DNAJC8: variants seen among roughly 807,000 people sequenced by gnomAD.
DNAJC8 encodes the protein dnaJ homolog subfamily C member 8.
Under a neutral mutation model 43.2 loss-of-function variants are expected in DNAJC8, and 24 were observed. The ratio of observed to expected loss-of-function variants is 0.56; its 90% confidence interval spans 0.40 to 0.78. The LOEUF is 0.78. Ranked by LOEUF, DNAJC8 falls within the 30% of genes least tolerant of loss-of-function variation. The pLI, the probability that DNAJC8 is intolerant of heterozygous loss-of-function variation, is 0.00. For missense variants in DNAJC8, 207 were observed against 299.4 expected (o/e 0.69, Z 2.28); for synonymous variants, 83 against 98.0 (o/e 0.85, Z 0.90).
chr1:28,202,517 G>A (rs1010030762), intron 8 of DNAJC8, among the ~76,000 whole-genome samples: 1 of 150,700 alleles, frequency 6.6e-6, no homozygotes, highest in African/African-American at 2.4e-5. Flanking sequence ...CTGACCTCAT[G>A]ATCCGCCTGC....
intron 2 of DNAJC8, 68 bp downstream of exon 2, chr1:28,228,854 T>C: frequency 7.8e-7 from 1 of 1,274,614 alleles, no homozygotes; most frequent in Non-Finnish European, 1.1e-6. Flanking sequence ...TGTATTCTGA[T>C]GTAGGTATGC....
chr1:28,230,559 T>A (rs1403403256), intron 1 of DNAJC8, among the ~76,000 whole-genome samples: 3 of 152,192 alleles, frequency 2.0e-5, no homozygotes, highest in Admixed American at 6.5e-5. Context: ...CTCTATTTTT[T>A]AAAAAAATGA....
At chr1:28,226,883 T>C (rs1354530240) in intron 2 of DNAJC8, among the ~76,000 whole-genome samples, 2 of 151,222 alleles carry the variant, frequency 1.3e-5, no homozygotes, top group Non-Finnish European at 3.0e-5. Flanking sequence ...TAATTTATAA[T>C]AAAATTGCTT....
rs199980896 is a variant in DNAJC8, at chr1:28,225,705, AT to A, written c.180+3216del. Among the ~76,000 whole-genome samples, 222 of 137,440 alleles carry A rather than the reference AT, an allele frequency of 1.6e-3. 1 individual carries two copies. The highest frequency in any genetic ancestry group is 3.8e-3 in the Middle Eastern group (1 of 264). The allele number at this position is 137,440 out of a possible 152,430, so 90.2% of individuals were successfully genotyped here. On this transcript the variant is annotated intron_variant, in intron 2 of 8. Transcript: ENST00000263697. ...AAACTAAAAAAAAATTTAAATGGTA[AT>A]TTTTTTTTTTTTTTTTGAGACAGTC...
Position 28,233,009 on chromosome 1 carries a change from C to T in DNAJC8, c.-11G>A. ...TCCTGAAGCCGCCATTTCCCCGGCC[C>T]AGCCACCACGTGACCCTTCTGCGCA... On this transcript the variant is annotated 5_prime_UTR_variant, in exon 1 of 9. Coordinates refer to ENST00000263697, the MANE Select transcript of DNAJC8 (RefSeq NM_014280.3). 6.2e-7 allele frequency: 1 copy of T among 1,611,062 alleles called. No homozygotes were observed. Among genetic ancestry groups the T allele is most frequent in the Non-Finnish European group, 8.5e-7 (1 of 1,179,984 alleles).
At chr1:28,213,844 T>C (rs965578055) in intron 3 of DNAJC8, among the ~76,000 whole-genome samples, 8 of 152,008 alleles carry the variant, frequency 5.3e-5, no homozygotes, top group African/African-American at 1.9e-4. Context: ...GGCGAAACTC[T>C]GTCTCTACAA....
chr1:28,218,880 T>C (rs1646879950), intron 2 of DNAJC8, among the ~76,000 whole-genome samples: 1 of 152,122 alleles, frequency 6.6e-6, no homozygotes. Context: ...CACATAAGAT[T>C]TACAGACGAG....
intron 8 of DNAJC8, among the ~76,000 whole-genome samples, 176 bp downstream of exon 8, chr1:28,203,571 G>A (rs1326276556): frequency 6.6e-6 from 1 of 152,096 alleles, no homozygotes; most frequent in Non-Finnish European, 1.5e-5. Flanking sequence ...CATCGTCCTT[G>A]CCAAGGCTAC....
chr1:28,231,228 C>T (rs1343544845), intron 1 of DNAJC8, among the ~76,000 whole-genome samples: 1 of 152,044 alleles, frequency 6.6e-6, no homozygotes, highest in Admixed American at 6.6e-5. Context: ...CAAAAATCAG[C>T]CAGGCATGGT....
chr1:28,214,930 A>C lies in DNAJC8; in HGVS notation c.237+10T>G. 6.3e-7 allele frequency: 1 copy of C among 1,592,350 alleles called. No individual in the cohort carries two copies. The highest frequency in any genetic ancestry group is 8.6e-7 in the Non-Finnish European group (1 of 1,168,340). ...TTTCAAAAAGTTCAAACAGGGAAAT[A>C]GTACTGTACCTGCCGAAACCTCTTT... On this transcript the variant is annotated intron_variant, in intron 3 of 8. Transcript: ENST00000263697.
In DNAJC8 at chr1:28,208,202, G is replaced by C. The variant is rs554884970; in HGVS notation, c.471+140C>G. On this transcript the variant is annotated intron_variant, in intron 6 of 8. Transcript: ENST00000263697. ...GCCTGGGCAACAAGAGTGAAACTCA[G>C]TCTCAAAAATAATAAATAAATAAAT... The C allele has an allele frequency of 9.3e-5, 54 of 580,818 alleles. No individual in the cohort carries two copies. In the African/African-American group the frequency reaches 1.0e-3, roughly 11 times the overall value. 36.0% of individuals were successfully genotyped at this position (580,818 alleles called of 1,614,324 possible).
At chr1:28,218,148 T>G (rs7550531) in intron 2 of DNAJC8, among the ~76,000 whole-genome samples, 60,363 of 147,246 alleles carry the variant, frequency 0.41, 13,815 homozygotes, top group African/African-American at 0.61. Context: ...CAGGCTAGAG[T>G]GCAATGGTGT....
chr1:28,227,484 T>C (rs898945918), intron 2 of DNAJC8, among the ~76,000 whole-genome samples: 31 of 143,338 alleles, frequency 2.2e-4, no homozygotes, highest in Admixed American at 1.4e-4. Context: ...CCTAGCACTA[T>C]GGGAGCCCAA....
intron 3 of DNAJC8, among the ~76,000 whole-genome samples, chr1:28,214,553 A>C (rs1425215721): frequency 5.3e-5 from 8 of 152,130 alleles, no homozygotes; most frequent in Non-Finnish European, 1.2e-4. Flanking sequence ...GAATAAAAAT[A>C]AAAGATAAAA....
At chr1:28,229,615 A>T (rs1646960030) in intron 1 of DNAJC8, among the ~76,000 whole-genome samples, 1 of 152,088 alleles carries the variant, frequency 6.6e-6, no homozygotes, top group South Asian at 2.1e-4. Flanking sequence ...CTCTACTAAA[A>T]ATACAAAAAA....
At position 28,210,656 on chromosome 1, in the gene DNAJC8, T is replaced by G. The variant is rs750944061; in HGVS notation, c.238-19A>C. 2.7e-5 allele frequency: 43 copies of G among 1,610,462 alleles called. No individual in the cohort carries two copies. In the South Asian group the frequency reaches 2.9e-4, roughly 11 times the overall value. On this transcript the variant is annotated intron_variant, in intron 3 of 8. Transcript: ENST00000263697. Reference sequence around the variant, plus strand: ...TGGATAACTACAATAAGAGAAAAGTTGGGGTTGTCAATAAGGGAAACATTT... The same window carrying G: ...TGGATAACTACAATAAGAGAAAAGTGGGGGTTGTCAATAAGGGAAACATTT...
rs1188985085 is a variant in DNAJC8 at position 28,212,182 on chromosome 1, T to A, written c.238-1545A>T. The stretch of plus-strand genomic sequence containing the variant: ...ATAAATAAATAAATATATATATATA[T>A]ATATATATATATATATATATATATA... On this transcript the variant is annotated intron_variant, in intron 3 of 8. Coordinates refer to ENST00000263697, the MANE Select transcript of DNAJC8 (RefSeq NM_014280.3). Among the ~76,000 whole-genome samples, 456 of 52,498 alleles carry A rather than the reference T, an allele frequency of 8.7e-3. 19 individuals carry two copies. The highest frequency in any genetic ancestry group is 0.023 in the African/African-American group (305 of 13,352). 34.4% of individuals were successfully genotyped at this position (52,498 alleles called of 152,430 possible).
chr1:28,227,577 G>A (rs1646945294), intron 2 of DNAJC8, among the ~76,000 whole-genome samples: 1 of 152,046 alleles, frequency 6.6e-6, no homozygotes, highest in Non-Finnish European at 1.5e-5. Context: ...GGGTGACAGT[G>A]AGACCCTGTC....
chr1:28,232,018 G>A (rs1209677634), intron 1 of DNAJC8, among the ~76,000 whole-genome samples: 1 of 152,052 alleles, frequency 6.6e-6, no homozygotes, highest in Admixed American at 6.5e-5. Context: ...GCCTCCCAAA[G>A]TGCTGGGATT....
Sources: allele counts gnomAD v4.1 joint callset (sites outside exome capture counted in the v4.1 genomes callset), GRCh38; gene constraint gnomAD v4.1.1; transcripts MANE v1.5; gene names NCBI Gene and HGNC (gene_info 2026-07-23, HGNC 2026-07-21).